Variants in ANKRD36C observed in about 807,000 individuals in gnomAD.
The protein encoded by ANKRD36C is ankyrin repeat domain 36C.
Under a neutral mutation model 276.4 loss-of-function variants are expected in ANKRD36C, and 61 were observed. That is an observed-to-expected ratio of 0.22 (90% confidence interval 0.18 to 0.27). The LOEUF (loss-of-function observed/expected upper bound fraction) is 0.27. Ranked by LOEUF, ANKRD36C falls within the 10% of genes least tolerant of loss-of-function variation. ANKRD36C has a pLI of 1.00. For synonymous variants in ANKRD36C, 483 were observed against 680.1 expected (o/e 0.71, Z 4.51); for missense variants, 1,447 against 2,032.3 (o/e 0.71, Z 5.54).
rs1413040009 is a variant in ANKRD36C, at chr2:95,948,527, T to C, written c.1362+3A>G. On this transcript the variant is annotated splice_donor_region_variant and intron_variant, in intron 17 of 66. Transcript: ENST00000456556. ...AAATTAATTTCACAAGAGAGTACTC[T>C]ACCTCAGATTCCAAAGCAAACTTAT... The C allele has an allele frequency of 6.5e-7, 1 of 1,535,186 alleles. No individual in the cohort carries two copies. Among genetic ancestry groups the C allele is most frequent in the Admixed American group, 2.0e-5 (1 of 50,874 alleles).
chr2:95,881,563 A>G (rs1042003361), intron 56 of ANKRD36C, among the ~76,000 whole-genome samples: 5 of 151,936 alleles, frequency 3.3e-5, no homozygotes, highest in African/African-American at 1.2e-4. Flanking sequence ...CTAAATATTC[A>G]TATTAAACTT....
At chr2:95,979,985 A>G (rs1678884267) in intron 5 of ANKRD36C, among the ~76,000 whole-genome samples, 1 of 152,060 alleles carries the variant, frequency 6.6e-6, no homozygotes, top group Non-Finnish European at 1.5e-5. Context: ...GAACTAAAAA[A>G]AACAGTTGTA....
intron 16 of ANKRD36C, among the ~76,000 whole-genome samples, chr2:95,948,905 A>G (rs2918887): frequency 6.6e-6 from 1 of 151,988 alleles, no homozygotes; most frequent in Non-Finnish European, 1.5e-5. Context: ...ACAATAATTT[A>G]TCCTTATAAA....
At chr2:95,890,664 T>C (rs1323220940) in intron 46 of ANKRD36C, among the ~76,000 whole-genome samples, 1 of 151,578 alleles carries the variant, frequency 6.6e-6, no homozygotes, top group African/African-American at 2.4e-5. Context: ...AAGGATAATA[T>C]ATTAGCCTCA....
intron 20 of ANKRD36C, among the ~76,000 whole-genome samples, chr2:95,939,434 G>T (rs373493507): frequency 0.052 from 5,660 of 108,284 alleles, no homozygotes; most frequent in African/African-American, 0.1. Context: ...GGCCGGGCGC[G>T]GTGGCTCACG....
At chr2:95,984,113 T>C (rs1210423359) in intron 3 of ANKRD36C, among the ~76,000 whole-genome samples, 1 of 152,008 alleles carries the variant, frequency 6.6e-6, no homozygotes. Flanking sequence ...TTCAACCCGA[T>C]TACCAAAGGA....
chr2:95,986,832 C>T (rs1679037322), exon 3 of ANKRD36C: 18 of 1,611,902 alleles, frequency 1.1e-5, no homozygotes, highest in Non-Finnish European at 1.4e-5. Flanking sequence ...CAGCGTAGTG[C>T]AGAGCAGTCC....
intron 24 of ANKRD36C, among the ~76,000 whole-genome samples, chr2:95,930,859 A>T (rs1677547207): frequency 1.3e-5 from 2 of 151,550 alleles, no homozygotes; most frequent in Admixed American, 1.3e-4. Flanking sequence ...ATGTGAACGA[A>T]GCATGTATCA....
At chr2:95,960,170 T>A (rs964328032) in intron 10 of ANKRD36C, among the ~76,000 whole-genome samples, 7 of 152,068 alleles carry the variant, frequency 4.6e-5, no homozygotes, top group Non-Finnish European at 1.0e-4. Context: ...CCCCTCTTGA[T>A]GGAGACATGC....
In ANKRD36C at chr2:95,926,472, C is replaced by T. The variant is rs191556688; in HGVS notation, c.1939+742G>A. Among the ~76,000 whole-genome samples the T allele has an allele frequency of 4.0e-5, 6 of 151,584 alleles. No homozygotes were observed. The East Asian group carries it at 9.8e-4, about 25-fold the overall frequency. On this transcript the variant is annotated intron_variant, in intron 28 of 66. Coordinates refer to ENST00000456556, the Ensembl canonical transcript of ANKRD36C. ...ATTGCTATTTTTATCCAAAAGTTAG[C>T]TAATTGAAAAGCAAAGCCAATATAT...
At chr2:95,910,665 C>G (rs758288892) in intron 42 of ANKRD36C, 97 bp from the exon 45 acceptor site, 130 of 1,581,352 alleles carry the variant, frequency 8.2e-5, no homozygotes, top group Middle Eastern at 2.3e-4. Flanking sequence ...GTCCTCCTGC[C>G]TGTATTAGCG....
chr2:95,971,608 C>T (rs986302351), intron 6 of ANKRD36C, among the ~76,000 whole-genome samples: 1 of 151,810 alleles, frequency 6.6e-6, no homozygotes, highest in Non-Finnish European at 1.5e-5. Flanking sequence ...TGAATATTCT[C>T]TCCAGAATTA....
intron 24 of ANKRD36C, among the ~76,000 whole-genome samples, chr2:95,931,844 A>G (rs1429992128): frequency 1.5e-5 from 2 of 130,760 alleles, no homozygotes; most frequent in Non-Finnish European, 3.5e-5. Flanking sequence ...AAAAATACAC[A>G]CACATACACA....
At chr2:95,979,422 A>C (rs1188922212) in intron 5 of ANKRD36C, among the ~76,000 whole-genome samples, 1 of 152,076 alleles carries the variant, frequency 6.6e-6, no homozygotes, top group Admixed American at 6.6e-5. Context: ...GCTCTGTTAA[A>C]TCTAACTAAC....
chr2:95,909,949 G>C (rs929221728), intron 42 of ANKRD36C, among the ~76,000 whole-genome samples: 1 of 150,976 alleles, frequency 6.6e-6, no homozygotes, highest in Admixed American at 6.6e-5. Flanking sequence ...TGCTACACCA[G>C]GGGCCTCCTT....
At chr2:95,914,493 A>G (rs1282547493) in intron 38 of ANKRD36C, among the ~76,000 whole-genome samples, 190 bp from the exon 41 acceptor site, 1 of 151,446 alleles carries the variant, frequency 6.6e-6, no homozygotes, top group Non-Finnish European at 1.5e-5. Context: ...AGGCTCCATG[A>G]AATATAGTCT....
Position 95,908,667 on chromosome 2 carries a change from A to G in ANKRD36C, c.2653+3577T>C, listed in dbSNP as rs780175018. On this transcript the variant is annotated intron_variant, in intron 42 of 66. Coordinates refer to ENST00000456556, the Ensembl canonical transcript of ANKRD36C. ...TCACAACATAAATGACAGTTTCATT[A>G]CCTTCAAGCCTGGTGGTTGCTCAGA... 3.2e-6 allele frequency: 5 copies of G among 1,563,312 alleles called. No homozygotes were observed. In the Admixed American group the frequency reaches 7.4e-5, roughly 23 times the overall value.
chr2:95,974,735 G>C (rs1224587923), intron 6 of ANKRD36C, among the ~76,000 whole-genome samples: 1 of 151,636 alleles, frequency 6.6e-6, no homozygotes, highest in African/African-American at 2.4e-5. Context: ...CATGTGCCAT[G>C]TTGGTGTGCT....
Position 95,944,711 on chromosome 2 carries a change from G to C in ANKRD36C, c.1424-17C>G. On this transcript the variant is annotated splice_polypyrimidine_tract_variant and intron_variant, in intron 18 of 66. Coordinates refer to ENST00000456556, the Ensembl canonical transcript of ANKRD36C. Reference sequence around the variant, plus strand: ...CAGCATCTACTACAGTAAAAACAAAGTCAAGAGTAGATGAAATGCATGTAA... The same window carrying C: ...CAGCATCTACTACAGTAAAAACAAACTCAAGAGTAGATGAAATGCATGTAA... 2 of 1,536,178 alleles carry C rather than the reference G, an allele frequency of 1.3e-6. No homozygotes were observed. The highest frequency in any genetic ancestry group is 1.7e-6 in the Non-Finnish European group (2 of 1,146,156).
Sources: gnomAD v4.1 joint callset for allele counts (sites outside exome capture counted in the v4.1 genomes callset) on GRCh38, gnomAD v4.1.1 for gene constraint, MANE v1.5 for transcripts, NCBI Gene and HGNC (gene_info 2026-07-23, HGNC 2026-07-21) for gene names.